Variants in TMEM192 observed in about 807,000 individuals in gnomAD.
The protein encoded by TMEM192 is transmembrane protein 192.
A neutral mutation model predicts 26.7 loss-of-function variants in TMEM192; 20 were observed. The observed-to-expected ratio is 0.75, with a 90% CI of 0.53 to 1.09. The LOEUF (loss-of-function observed/expected upper bound fraction) is 1.09, where lower values mean the gene tolerates loss of function less well. TMEM192 is among the 50% of genes least tolerant of loss of function. The pLI is 0.00. For missense variants in TMEM192, 304 were observed against 322.6 expected (o/e 0.94, Z 0.44); for synonymous variants, 124 against 121.0 (o/e 1.02, Z -0.16).
chr4:165,108,598 C>T (rs58230062), intron 1 of TMEM192, among the ~76,000 whole-genome samples: 7,805 of 152,134 alleles, frequency 0.051, 682 homozygotes, highest in African/African-American at 0.18. Context: ...ATGAGGGTTC[C>T]GTCTGGCTTG....
intron 4 of TMEM192, among the ~76,000 whole-genome samples, chr4:165,086,086 AAGAC>A (rs2110747589): frequency 6.6e-6 from 1 of 152,276 alleles, no homozygotes; most frequent in Admixed American, 6.5e-5. Context: ...CCTACATTCT[AAGAC>A]AGTATGGAAA....
intron 3 of TMEM192, among the ~76,000 whole-genome samples, chr4:165,094,673 AG>A (rs1734852457): frequency 6.6e-6 from 1 of 151,684 alleles, no homozygotes; most frequent in Admixed American, 6.6e-5. Context: ...AAAAAAGAAA[AG>A]GAAAAAAAGA....
chr4:165,111,881 C>T (rs1040188384), intron 1 of TMEM192, among the ~76,000 whole-genome samples: 2 of 152,170 alleles, frequency 1.3e-5, no homozygotes, highest in African/African-American at 4.8e-5. Flanking sequence ...CAAATTAGTG[C>T]TTTACAGTAA....
chr4:165,100,890 G>A lies in TMEM192; in HGVS notation c.177C>T (p.Leu59=), dbSNP rs549843019. 7 of 1,609,228 alleles carry A rather than the reference G, an allele frequency of 4.3e-6. No individual in the cohort carries two copies. The Admixed American group carries it at 8.4e-5, about 19-fold the overall frequency. ...IIVNLLWFIH[L]VFVVLAFLTG... Reference sequence around the variant, plus strand: ...TTAAAAATGCTAAAACAACAAACACGAGCTGGGGGAAAGGAGAGCAGAAAG... The same window carrying A: ...TTAAAAATGCTAAAACAACAAACACAAGCTGGGGGAAAGGAGAGCAGAAAG... The change falls in exon 3 of 6, where the codon CTC becomes CTT. Residue 59 remains leucine (L), a splice_region_variant and synonymous_variant. Transcript: ENST00000306480.
chr4:165,090,557 A>G (rs1734735025), intron 3 of TMEM192, among the ~76,000 whole-genome samples: 1 of 151,968 alleles, frequency 6.6e-6, no homozygotes, highest in Admixed American at 6.6e-5. Context: ...CAAACCATAA[A>G]ACATAAAAGT....
At chr4:165,087,697 T>C (rs1734654964) in intron 4 of TMEM192, among the ~76,000 whole-genome samples, 1 of 152,138 alleles carries the variant, frequency 6.6e-6, no homozygotes, top group African/African-American at 2.4e-5. Flanking sequence ...CCCAGCACTT[T>C]GGGAGGCCAA....
rs919373925 is a variant in TMEM192, at chr4:165,074,114, C to CCA, written c.*5543_*5544insTG. Reference sequence around the variant, plus strand: ...ATACCCACAGGTGTGGAGGGGCAGACCCCCCCTCAATCAACTGAGCCAAGT... The same window carrying CCA: ...ATACCCACAGGTGTGGAGGGGCAGACCACCCCCCTCAATCAACTGAGCCAAGT... On this transcript the variant is annotated 3_prime_UTR_variant, in exon 6 of 6. Coordinates refer to ENST00000306480, the MANE Select transcript of TMEM192 (RefSeq NM_001100389.2). 1 of 5,578 alleles carries CCA rather than the reference C, an allele frequency of 1.8e-4. No homozygotes were observed. Among genetic ancestry groups the CCA allele is most frequent in the Non-Finnish European group, 1.9e-3 (1 of 524 alleles). 0.3% of individuals were successfully genotyped at this position (5,578 alleles called of 1,614,324 possible).
rs923093499 is a variant in TMEM192, at chr4:165,090,223, A to G, written c.440-1621T>C. 3.3e-5 allele frequency among the ~76,000 whole-genome samples: 5 copies of G among 149,858 alleles called. 1 individual carries two copies. Among genetic ancestry groups the G allele is most frequent in the Middle Eastern group, 3.2e-3 (1 of 310 alleles). On this transcript the variant is annotated intron_variant, in intron 3 of 5. Coordinates refer to ENST00000306480, the MANE Select transcript of TMEM192 (RefSeq NM_001100389.2). ...CGAAACTCCGTCTTGGAAAAAAAAA[A>G]AAAAAAAAAAAAAATGCATGGTGGC...
At position 165,100,802 on chromosome 4, in the gene TMEM192, G is replaced by A. The variant is rs768614052; in HGVS notation, c.265C>T (p.Pro89Ser). The A allele has an allele frequency of 5.0e-6, 8 of 1,613,788 alleles. No individual in the cohort carries two copies. Among genetic ancestry groups the A allele is most frequent in the South Asian group, 4.4e-5 (4 of 91,076 alleles). Residue 89 changes from proline (P) to serine (S), a missense_variant, in exon 3 of 6, where the codon CCA becomes TCA. Coordinates refer to ENST00000306480, the MANE Select transcript of TMEM192 (RefSeq NM_001100389.2). ...EDKCPGNYTN[P>S]LKVQTVIILG... ...ATTATAACCGTCTGAACTTTCAATG[G>A]GTTTGTGTAATTTCCTGGGCACTTG... is the stretch of plus-strand genomic sequence containing the variant.
At position 165,096,846 on chromosome 4, in the gene TMEM192, A is replaced by G. The variant is rs562040635; in HGVS notation, c.439+3782T>C. Among the ~76,000 whole-genome samples the G allele has an allele frequency of 3.3e-5, 5 of 152,330 alleles. No homozygotes were observed. In the East Asian group the frequency reaches 9.6e-4, roughly 29 times the overall value. On this transcript the variant is annotated intron_variant, in intron 3 of 5. Transcript: ENST00000306480. ...GCAGATTTTGGAAAGGTAAAGATCA[A>G]ATAATCTCCTTGTGAGCTTCCAAAA...
intron 3 of TMEM192, among the ~76,000 whole-genome samples, chr4:165,089,651 T>A (rs2110756028): frequency 6.6e-6 from 1 of 152,166 alleles, no homozygotes. Flanking sequence ...TTTTATGGCC[T>A]GCTTTGGGAG....
At chr4:165,094,658 A>C (rs1430285237) in intron 3 of TMEM192, among the ~76,000 whole-genome samples, 3 of 148,996 alleles carry the variant, frequency 2.0e-5, no homozygotes, top group Non-Finnish European at 3.0e-5. Context: ...CTCTGTCTCA[A>C]AAAAAAAAAA....
In TMEM192 at chr4:165,078,540, T is replaced by C. The variant is rs559744045; in HGVS notation, c.*1118A>G. The C allele has an allele frequency of 6.6e-6, 1 of 152,350 alleles. No homozygotes were observed. Among genetic ancestry groups the C allele is most frequent in the South Asian group, 2.1e-4 (1 of 4,832 alleles). 9.4% of individuals were successfully genotyped at this position (152,350 alleles called of 1,614,324 possible). The stretch of plus-strand genomic sequence containing the variant: ...AAAGGTATCTTTTTTTTACAGTAAT[T>C]TAAAATTATAGAAGATGCCTTTCCT... On this transcript the variant is annotated 3_prime_UTR_variant, in exon 6 of 6. Transcript: ENST00000306480.
chr4:165,076,379 G>A lies in TMEM192; in HGVS notation c.*3279C>T, dbSNP rs1287523435. Reference sequence around the variant, plus strand: ...ACTTCCTTGCTTGAAATGCTTCAGAGGATCCCATTATCAACAAGATAAAGT... The same window carrying A: ...ACTTCCTTGCTTGAAATGCTTCAGAAGATCCCATTATCAACAAGATAAAGT... On this transcript the variant is annotated 3_prime_UTR_variant, in exon 6 of 6. Transcript: ENST00000306480. 2.0e-5 allele frequency: 3 copies of A among 152,114 alleles called. No individual in the cohort carries two copies. The highest frequency in any genetic ancestry group is 7.2e-5 in the African/African-American group (3 of 41,428). 9.4% of individuals were successfully genotyped at this position (152,114 alleles called of 1,614,324 possible). A position where few individuals can be genotyped will look rare whatever the true frequency, so the allele number is the denominator to read the frequency against.
At chr4:165,085,409 C>A (rs533606740) in intron 5 of TMEM192, among the ~76,000 whole-genome samples, 177 bp downstream of exon 5, 1 of 152,184 alleles carries the variant, frequency 6.6e-6, no homozygotes, top group East Asian at 1.9e-4. Flanking sequence ...AATATATGGC[C>A]TATTTAATAC....
chr4:165,071,133 C>A lies in TMEM192; in HGVS notation c.*8525G>T, dbSNP rs1734266290. 1 of 152,098 alleles carries A rather than the reference C, an allele frequency of 6.6e-6. No individual in the cohort carries two copies. The highest frequency in any genetic ancestry group is 6.6e-5 in the Admixed American group (1 of 15,262). The allele number at this position is 152,098 out of a possible 1,614,324, so 9.4% of individuals were successfully genotyped here. A position where few individuals can be genotyped will look rare whatever the true frequency, so the allele number is the denominator to read the frequency against. On this transcript the variant is annotated 3_prime_UTR_variant, in exon 6 of 6. Coordinates refer to ENST00000306480, the MANE Select transcript of TMEM192 (RefSeq NM_001100389.2). ...TATATTTTTTCCTATCCACACATAA[C>A]TACAATAAAGTTAAATTTATAAATT...
In TMEM192 at chr4:165,081,742, G is replaced by A. The variant is rs1377312754; in HGVS notation, c.678-1946C>T. ...GGCTGGAGTGCAATGGCGCAATCTC[G>A]GCTCACTGCAACCTCTGCCTCCCCG... On this transcript the variant is annotated intron_variant, in intron 5 of 5. Transcript: ENST00000306480. Among the ~76,000 whole-genome samples, 4 of 36,108 alleles carry A rather than the reference G, an allele frequency of 1.1e-4. 2 individuals carry two copies. Among genetic ancestry groups the A allele is most frequent in the Admixed American group, 7.6e-4 (2 of 2,630 alleles). 23.7% of individuals were successfully genotyped at this position (36,108 alleles called of 152,430 possible). A position where few individuals can be genotyped will look rare whatever the true frequency, so the allele number is the denominator to read the frequency against.
chr4:165,107,824 ATTCC>A (rs1735202114), intron 1 of TMEM192, among the ~76,000 whole-genome samples: 1 of 152,174 alleles, frequency 6.6e-6, no homozygotes, highest in African/African-American at 2.4e-5. Flanking sequence ...CCCCAGCATC[ATTCC>A]TACTGCACTC....
At chr4:165,110,302 G>A (rs1341081569) in intron 1 of TMEM192, among the ~76,000 whole-genome samples, 1 of 152,182 alleles carries the variant, frequency 6.6e-6, no homozygotes, top group Non-Finnish European at 1.5e-5. Context: ...AGGACCCACT[G>A]TCTACTTCTG....
Sources: gnomAD v4.1 joint callset for allele counts (sites outside exome capture counted in the v4.1 genomes callset) on GRCh38, gnomAD v4.1.1 for gene constraint, MANE v1.5 for transcripts, NCBI Gene and HGNC (gene_info 2026-07-23, HGNC 2026-07-21) for gene names.